Variants in NLGN1 observed in about 807,000 individuals in gnomAD.
NLGN1 encodes the protein neuroligin 1.
Under a neutral mutation model 65.5 loss-of-function variants are expected in NLGN1, and 12 were observed. The ratio of observed to expected loss-of-function variants is 0.18; its 90% confidence interval spans 0.12 to 0.30. NLGN1 has a LOEUF of 0.30. Ranked by LOEUF, NLGN1 falls within the 10% of genes least tolerant of loss-of-function variation. NLGN1 has a pLI of 1.00. For missense variants in NLGN1, 750 were observed against 1,007.1 expected (o/e 0.74, Z 3.46); for synonymous variants, 350 against 359.5 (o/e 0.97, Z 0.30).
rs977356231 is a variant in NLGN1 at position 174,138,898 on chromosome 3, T to A, written c.647-136417T>A. On this transcript the variant is annotated intron_variant, in intron 4 of 6. Transcript: ENST00000457714. Reference sequence around the variant, plus strand: ...AAAGGTGGTGCTGAAGGTAAAAAAATTAAATTATCTGGTTTAATTAAGTTC... The same window carrying A: ...AAAGGTGGTGCTGAAGGTAAAAAAAATAAATTATCTGGTTTAATTAAGTTC... 1.2e-4 allele frequency among the ~76,000 whole-genome samples: 18 copies of A among 152,152 alleles called. No homozygotes were observed. In the East Asian group the frequency reaches 3.1e-3, roughly 26 times the overall value.
intron 3 of NLGN1, among the ~76,000 whole-genome samples, chr3:173,635,220 G>A (rs941947596): frequency 8.6e-5 from 13 of 152,004 alleles, no homozygotes; most frequent in African/African-American, 3.1e-4. Context: ...AGTTTCTTAA[G>A]AGACAAGTAT....
At chr3:174,276,070 C>T (rs913660642) in intron 5 of NLGN1, among the ~76,000 whole-genome samples, 6 of 151,964 alleles carry the variant, frequency 3.9e-5, no homozygotes, top group Non-Finnish European at 8.8e-5. Context: ...GCATCAAGGT[C>T]ACTGGTAGAG....
chr3:173,503,439 G>T (rs905518524), intron 2 of NLGN1, among the ~76,000 whole-genome samples: 1 of 152,034 alleles, frequency 6.6e-6, no homozygotes, highest in Non-Finnish European at 1.5e-5. Context: ...ACACTGAACA[G>T]CATGAGATAA....
At chr3:173,672,161 G>A (rs1192781353) in intron 3 of NLGN1, among the ~76,000 whole-genome samples, 3 of 152,126 alleles carry the variant, frequency 2.0e-5, no homozygotes, top group East Asian at 1.9e-4. Context: ...GCGACAGAGC[G>A]AGACTCCGTC....
chr3:173,833,926 T>G (rs995185463), intron 4 of NLGN1, among the ~76,000 whole-genome samples: 1 of 152,210 alleles, frequency 6.6e-6, no homozygotes, highest in South Asian at 2.1e-4. Context: ...ACCAAGACTA[T>G]TGGGTGTTTT....
intron 4 of NLGN1, among the ~76,000 whole-genome samples, chr3:173,977,276 C>A (rs1424607788): frequency 6.6e-6 from 1 of 151,596 alleles, no homozygotes; most frequent in Admixed American, 6.6e-5. Context: ...TGTAGTATGA[C>A]CAGATGGCAG....
rs781477178 is a variant in NLGN1, at chr3:173,430,110, C to T, written c.-389-4900C>T. Among the ~76,000 whole-genome samples, 179 of 152,276 alleles carry T rather than the reference C, an allele frequency of 1.2e-3. 1 individual carries two copies. The highest frequency in any genetic ancestry group is 2.0e-3 in the Non-Finnish European group (134 of 68,022). On this transcript the variant is annotated intron_variant, in intron 1 of 6. Transcript: ENST00000457714. ...CGAAACTGTCTGTCTTCCTTGATCT[C>T]ACTTTTTCCAGGGTAAAAACTGAAT... is the stretch of plus-strand genomic sequence containing the variant.
At chr3:173,783,718 G>T (rs568080514) in intron 3 of NLGN1, among the ~76,000 whole-genome samples, 1 of 152,246 alleles carries the variant, frequency 6.6e-6, no homozygotes, top group East Asian at 1.9e-4. Flanking sequence ...GGGATTCAGC[G>T]ATTCTCCAGC....
chr3:173,921,178 A>C (rs1741935417), intron 4 of NLGN1, among the ~76,000 whole-genome samples: 1 of 129,162 alleles, frequency 7.7e-6, no homozygotes, highest in East Asian at 2.2e-4. Flanking sequence ...TATATATTAC[A>C]TATTATATAT....
intron 3 of NLGN1, among the ~76,000 whole-genome samples, chr3:173,722,124 A>G (rs1386936368): frequency 6.6e-6 from 1 of 152,172 alleles, no homozygotes; most frequent in Non-Finnish European, 1.5e-5. Flanking sequence ...AAGAGCTCCA[A>G]AGTTGGTGTC....
chr3:173,404,367 G>A (rs1406054272), intron 1 of NLGN1, among the ~76,000 whole-genome samples: 1 of 152,104 alleles, frequency 6.6e-6, no homozygotes, highest in African/African-American at 2.4e-5. Context: ...TGCCTTCTGA[G>A]CATCTCATCA....
intron 3 of NLGN1, among the ~76,000 whole-genome samples, chr3:173,740,871 C>A (rs995060276): frequency 2.6e-5 from 4 of 152,036 alleles, no homozygotes; most frequent in African/African-American, 9.7e-5. Flanking sequence ...CTTGCTAGCA[C>A]TGACAAAGAA....
chr3:173,695,055 A>G (rs928076203), intron 3 of NLGN1, among the ~76,000 whole-genome samples: 1 of 152,204 alleles, frequency 6.6e-6, no homozygotes, highest in African/African-American at 2.4e-5. Flanking sequence ...TTTTAGCTAT[A>G]TATGTTGAGC....
rs190602695 is a variant in NLGN1, at chr3:173,553,332, G to C, written c.-320-50947G>C. Among the ~76,000 whole-genome samples, 560 of 152,104 alleles carry C rather than the reference G, an allele frequency of 3.7e-3. 3 individuals are homozygous for C. The highest frequency in any genetic ancestry group is 6.2e-3 in the Non-Finnish European group (423 of 67,992). On this transcript the variant is annotated intron_variant, in intron 2 of 6. Transcript: ENST00000457714. ...AAGAAGAGGTTCTAAATATATGAAGGGTTGTCCACTAGAATAGGAATGGCA... is the reference window on the plus strand; with the variant it reads ...AAGAAGAGGTTCTAAATATATGAAGCGTTGTCCACTAGAATAGGAATGGCA...
At chr3:173,886,397 G>T (rs1334127252) in intron 4 of NLGN1, among the ~76,000 whole-genome samples, 1 of 151,976 alleles carries the variant, frequency 6.6e-6, no homozygotes, top group Non-Finnish European at 1.5e-5. Context: ...ATAAAAAGAA[G>T]AAGAAGCAAA....
chr3:174,277,510 G>A (rs1750804884), intron 5 of NLGN1, among the ~76,000 whole-genome samples: 1 of 151,820 alleles, frequency 6.6e-6, no homozygotes, highest in African/African-American at 2.4e-5. Flanking sequence ...ATCACCAGGT[G>A]CATTTTAGTT....
chr3:173,761,797 A>G (rs1052835848), intron 3 of NLGN1, among the ~76,000 whole-genome samples: 2 of 152,046 alleles, frequency 1.3e-5, no homozygotes, highest in Non-Finnish European at 2.9e-5. Context: ...TCTGATTTAA[A>G]CTTATCAATT....
chr3:173,484,589 A>G (rs1337256813), intron 2 of NLGN1, among the ~76,000 whole-genome samples: 2 of 152,160 alleles, frequency 1.3e-5, no homozygotes, highest in Non-Finnish European at 2.9e-5. Flanking sequence ...AGTCTCCTTC[A>G]AGTCAATAAG....
At chr3:174,120,345 A>G (rs1444200542) in intron 4 of NLGN1, among the ~76,000 whole-genome samples, 1 of 107,362 alleles carries the variant, frequency 9.3e-6, no homozygotes, top group East Asian at 2.1e-4. Context: ...TACTATAAAT[A>G]AAAAAAAAAA....
Sources: gnomAD v4.1 joint callset for allele counts (sites outside exome capture counted in the v4.1 genomes callset) on GRCh38, gnomAD v4.1.1 for gene constraint, MANE v1.5 for transcripts, NCBI Gene and HGNC (gene_info 2026-07-23, HGNC 2026-07-21) for gene names.